SLC4A4: variants seen among roughly 807,000 people sequenced by gnomAD.
The protein encoded by SLC4A4 is solute carrier family 4 member 4.
SLC4A4 carries 27 observed loss-of-function variants against 111.5 expected under a neutral mutation model. That is an observed-to-expected ratio of 0.24 (90% confidence interval 0.18 to 0.33). The LOEUF is 0.33. Among genes scored for constraint, SLC4A4 ranks in the 10% least tolerant of loss-of-function variants. The pLI is 1.00. For missense variants in SLC4A4, 909 were observed against 1,315.5 expected (o/e 0.69, Z 4.78); for synonymous variants, 443 against 463.4 (o/e 0.96, Z 0.57).
chr4:71,481,879 G>T (rs748771623), intron 14 of SLC4A4, among the ~76,000 whole-genome samples: 5 of 151,014 alleles, frequency 3.3e-5, no homozygotes, highest in Non-Finnish European at 5.9e-5. Context: ...ATGAAACAGA[G>T]ATTGTCCCAG....
chr4:71,534,761 A>T (rs552274960), intron 18 of SLC4A4, among the ~76,000 whole-genome samples: 41 of 152,162 alleles, frequency 2.7e-4, no homozygotes, highest in Non-Finnish European at 4.4e-4. Context: ...CTTTCTCTTA[A>T]ATCAACTCAG....
intron 21 of SLC4A4, 27 bp from the exon 22 acceptor site, chr4:71,557,685 T>C: frequency 6.2e-7 from 1 of 1,609,382 alleles, no homozygotes; most frequent in Non-Finnish European, 8.5e-7. Flanking sequence ...GTAATGCAGT[T>C]GGACTCCTTT....
intron 1 of SLC4A4, among the ~76,000 whole-genome samples, chr4:71,217,794 T>G (rs1034694420): frequency 1.3e-5 from 2 of 152,144 alleles, no homozygotes; most frequent in Admixed American, 1.3e-4. Context: ...TGACTGTTGG[T>G]TTTTATAGAA....
chr4:71,332,051 A>G (rs1162638210), intron 3 of SLC4A4, among the ~76,000 whole-genome samples: 1 of 151,862 alleles, frequency 6.6e-6, no homozygotes, highest in African/African-American at 2.4e-5. Flanking sequence ...GATTTCATTT[A>G]TTTGGGTTCT....
At position 71,076,257 on chromosome 4, in the gene SLC4A4, G is replaced by C. The variant is rs187168032; in HGVS notation, c.-65+13469G>C. On this transcript the variant is annotated intron_variant, in intron 1 of 26. Transcript: ENST00000649996. ...GAAGAATATTGTTGAATGAATAAAAGAATCTACTTTTGTCTGTAATCCCAG... is the reference window on the plus strand; with the variant it reads ...GAAGAATATTGTTGAATGAATAAAACAATCTACTTTTGTCTGTAATCCCAG... 6.6e-5 allele frequency among the ~76,000 whole-genome samples: 10 copies of C among 152,216 alleles called. No homozygotes were observed. In the East Asian group the frequency reaches 1.9e-3, roughly 29 times the overall value.
At chr4:71,346,035 A>C (rs1008079381) in intron 4 of SLC4A4, among the ~76,000 whole-genome samples, 2 of 152,240 alleles carry the variant, frequency 1.3e-5, no homozygotes, top group African/African-American at 4.8e-5. Context: ...TGTAAAGGTC[A>C]TGTCTGTTTT....
chr4:71,349,729 A>C (rs564368579), intron 4 of SLC4A4, among the ~76,000 whole-genome samples, 183 bp from the exon 5 acceptor site: 1 of 152,172 alleles, frequency 6.6e-6, no homozygotes, highest in Non-Finnish European at 1.5e-5. Context: ...GGAGCAGTCT[A>C]GTGCTTCTCT....
At chr4:71,302,174 A>G (rs1382530698) in intron 3 of SLC4A4, among the ~76,000 whole-genome samples, 1 of 152,190 alleles carries the variant, frequency 6.6e-6, no homozygotes, top group African/African-American at 2.4e-5. Context: ...CAGTCTTAGC[A>G]AAGGAAGTAT....
At chr4:71,487,811 G>C (rs1729557677) in intron 15 of SLC4A4, among the ~76,000 whole-genome samples, 2 of 151,534 alleles carry the variant, frequency 1.3e-5, no homozygotes, top group African/African-American at 4.8e-5. Flanking sequence ...ATGATGTTTT[G>C]TATCTTTCCT....
At chr4:71,119,948 G>A (rs1204941303) in intron 2 of SLC4A4, among the ~76,000 whole-genome samples, 4 of 151,374 alleles carry the variant, frequency 2.6e-5, no homozygotes, top group African/African-American at 9.7e-5. Flanking sequence ...TTTGTTTTTA[G>A]AAGTTGTTTC....
rs1203829250 is a variant in SLC4A4, at chr4:71,102,816, A to G, written c.-2+10024A>G. On this transcript the variant is annotated intron_variant, in intron 2 of 26. Transcript: ENST00000649996. ...AACCGGTACCAGCTGCTGCAAAATC[A>G]TGCCAAAATGTAAAGACCATCGAGA... Among the ~76,000 whole-genome samples, 4 of 151,984 alleles carry G rather than the reference A, an allele frequency of 2.6e-5. No individual in the cohort carries two copies. The East Asian group carries it at 5.8e-4, about 22-fold the overall frequency.
intron 2 of SLC4A4, among the ~76,000 whole-genome samples, chr4:71,155,157 G>A (rs921199957): frequency 9.2e-5 from 14 of 151,936 alleles, no homozygotes; most frequent in African/African-American, 3.4e-4. Flanking sequence ...AAGTTTGAAA[G>A]CCACCAACCC....
At chr4:71,367,284 C>T (rs978239316) in intron 6 of SLC4A4, among the ~76,000 whole-genome samples, 2 of 152,100 alleles carry the variant, frequency 1.3e-5, no homozygotes, top group Non-Finnish European at 1.5e-5. Context: ...ATTTGGGTAC[C>T]TACATACACA....
At chr4:71,339,251 G>A in intron 3 of SLC4A4, 119 bp from the exon 4 acceptor site, 1 of 1,614,196 alleles carries the variant, frequency 6.2e-7, no homozygotes, top group Non-Finnish European at 8.5e-7. Context: ...CAGGAAAGAT[G>A]TCCACTGAAA....
At chr4:71,512,590 T>C (rs1484169405) in intron 16 of SLC4A4, among the ~76,000 whole-genome samples, 1 of 152,210 alleles carries the variant, frequency 6.6e-6, no homozygotes, top group Non-Finnish European at 1.5e-5. Context: ...CCATAGGTTG[T>C]CTCTTCATTG....
At chr4:71,346,828 A>G (rs1009640732) in intron 4 of SLC4A4, among the ~76,000 whole-genome samples, 3 of 152,152 alleles carry the variant, frequency 2.0e-5, no homozygotes, top group Non-Finnish European at 4.4e-5. Flanking sequence ...AGTTCCTTAA[A>G]CAATTAGAGC....
intron 1 of SLC4A4, among the ~76,000 whole-genome samples, chr4:71,214,103 C>G (rs950283216): frequency 3.3e-5 from 5 of 152,146 alleles, no homozygotes; most frequent in Non-Finnish European, 7.4e-5. Flanking sequence ...CCCAGATGTA[C>G]TGGGGTTTTG....
At chr4:71,433,531 T>A (rs1723835730) in intron 7 of SLC4A4, among the ~76,000 whole-genome samples, 1 of 152,126 alleles carries the variant, frequency 6.6e-6, no homozygotes, top group Admixed American at 6.6e-5. Context: ...TTCTGGATAT[T>A]AGCCCTGTGT....
At chr4:71,151,620 C>T (rs865868149) in intron 2 of SLC4A4, among the ~76,000 whole-genome samples, 2 of 151,416 alleles carry the variant, frequency 1.3e-5, no homozygotes, top group East Asian at 1.9e-4. Flanking sequence ...TATTTTTATA[C>T]GTAAAAAATA....
Sources: gnomAD v4.1 joint callset for allele counts (sites outside exome capture counted in the v4.1 genomes callset) on GRCh38, gnomAD v4.1.1 for gene constraint, MANE v1.5 for transcripts, NCBI Gene and HGNC (gene_info 2026-07-23, HGNC 2026-07-21) for gene names.